The following SMUG1 variants were observed in gnomAD, a reference collection of about 807,000 sequenced individuals.
SMUG1 encodes the protein single-strand selective monofunctional uracil DNA glycosylase.
SMUG1 carries 13 observed loss-of-function variants against 23.9 expected under a neutral mutation model. The observed-to-expected ratio is 0.54, with a 90% CI of 0.35 to 0.86. SMUG1 has a LOEUF of 0.86. Among genes scored for constraint, SMUG1 ranks in the 40% least tolerant of loss-of-function variants. SMUG1 has a pLI of 0.01. For synonymous variants in SMUG1, 133 were observed against 139.8 expected, an observed-to-expected ratio of 0.95 and a Z score of 0.34; for missense variants, 313 against 339.5, an observed-to-expected ratio of 0.92 and a Z score of 0.61.
In SMUG1 at chr12:54,181,594, G is replaced by A. The variant is rs779627898; in HGVS notation, c.*502C>T. ...GGATTTTTCCTCTGATCCAGCTGCA[G>A]CCTCCCATAAGAAGTTCACTCTTAA... On this transcript the variant is annotated 3_prime_UTR_variant, in exon 4 of 4. Transcript: ENST00000682136. 53 of 1,575,408 alleles carry A rather than the reference G, an allele frequency of 3.4e-5. No homozygotes were observed. In the African/African-American group the frequency reaches 6.4e-4, roughly 19 times the overall value.
downstream of SMUG1, chr12:54,164,665 A>G (rs914397534): frequency 1.3e-5 from 2 of 152,230 alleles, no homozygotes; most frequent in African/African-American, 4.8e-5. Flanking sequence ...GACTCTGTTC[A>G]CCAGGGGGTG....
Position 54,185,473 on chromosome 12 carries a change from AAAATAAAAT to A in SMUG1, c.-19-1523_-19-1515del, listed in dbSNP as rs1486273032. On this transcript the variant is annotated intron_variant, in intron 2 of 3. Coordinates refer to ENST00000682136, the MANE Select transcript of SMUG1 (RefSeq NM_001243787.2). ...AAAGAGCAAGACTCCATCTCAAAAA[AAAATAAAAT>A]AAAAAATAAATAAATAAATAAATAA... Among the ~76,000 whole-genome samples, 48 of 90,090 alleles carry A rather than the reference AAAATAAAAT, an allele frequency of 5.3e-4. 6 individuals are homozygous for A. Among genetic ancestry groups the A allele is most frequent in the African/African-American group, 1.6e-3 (44 of 26,814 alleles). The allele number at this position is 90,090 out of a possible 152,430, so 59.1% of individuals were successfully genotyped here.
chr12:54,166,457 T>C (rs1276186844), intron 3 of SMUG1, among the ~76,000 whole-genome samples: 2 of 152,072 alleles, frequency 1.3e-5, no homozygotes, highest in Non-Finnish European at 2.9e-5. Flanking sequence ...CTCCCAGAAC[T>C]GAGAAACTGA....
chr12:54,171,560 C>T (rs551772903), intron 3 of SMUG1, among the ~76,000 whole-genome samples: 21 of 151,758 alleles, frequency 1.4e-4, no homozygotes, highest in Non-Finnish European at 2.9e-4. Flanking sequence ...CGTGGCAGCG[C>T]GTGCCTGTAA....
Position 54,181,788 on chromosome 12 carries a change from G to C in SMUG1, c.*308C>G. The C allele has an allele frequency of 7.0e-7, 1 of 1,438,558 alleles. No individual in the cohort carries two copies. The allele number at this position is 1,438,558 out of a possible 1,614,324, so 89.1% of individuals were successfully genotyped here. ...TCTCAGCTGAATAAAGTCTCCCAAGGAAACACTGAGGTAGAGCAGTCTGCA... is the reference window on the plus strand; with the variant it reads ...TCTCAGCTGAATAAAGTCTCCCAAGCAAACACTGAGGTAGAGCAGTCTGCA... On this transcript the variant is annotated 3_prime_UTR_variant, in exon 4 of 4. Coordinates refer to ENST00000682136, the MANE Select transcript of SMUG1 (RefSeq NM_001243787.2).
downstream of SMUG1, chr12:54,164,659 C>G (rs1940386738): frequency 6.6e-6 from 1 of 152,386 alleles, no homozygotes; most frequent in Non-Finnish European, 1.5e-5. Context: ...GGCTTGGACT[C>G]TGTTCACCAG....
chr12:54,179,122 A>C (rs1011022796), downstream of SMUG1, among the ~76,000 whole-genome samples: 3 of 152,164 alleles, frequency 2.0e-5, no homozygotes, highest in Non-Finnish European at 2.9e-5. Flanking sequence ...CCACAGACAG[A>C]AGGCTGCCCT....
chr12:54,186,699 G>A (rs1942560176), intron 2 of SMUG1: 1 of 152,172 alleles, frequency 6.6e-6, no homozygotes, highest in South Asian at 2.1e-4. Flanking sequence ...TGAAGGCTGA[G>A]AACCACTGTG....
In SMUG1 at chr12:54,170,247, T is replaced by A. The variant is rs973228716; in HGVS notation, c.*52+1778A>T. On this transcript the variant is annotated intron_variant and NMD_transcript_variant, in intron 3 of 4. Coordinates refer to the SMUG1 transcript ENST00000509864. ...AAGAGAAGCTCACTGTTTCTCAGTT[T>A]CCCTAGCGGCAAAGCAGTAAAGGTG... Among the ~76,000 whole-genome samples, 15 of 151,908 alleles carry A rather than the reference T, an allele frequency of 9.9e-5. 1 individual carries two copies. The highest frequency in any genetic ancestry group is 5.9e-5 in the Non-Finnish European group (4 of 67,978).
downstream of SMUG1, among the ~76,000 whole-genome samples, chr12:54,164,191 G>T (rs539838924): frequency 6.6e-6 from 1 of 151,982 alleles, no homozygotes; most frequent in Non-Finnish European, 1.5e-5. Context: ...AGGGAGAACT[G>T]GGGAGAGAGA....
At chr12:54,179,326 T>C (rs1365893655), downstream of SMUG1, among the ~76,000 whole-genome samples, 1 of 152,176 alleles carries the variant, frequency 6.6e-6, no homozygotes, top group Non-Finnish European at 1.5e-5. Flanking sequence ...TTGCCACCCC[T>C]TGAACATAAC....
At position 54,180,615 on chromosome 12, in the gene SMUG1, T is replaced by C. The variant is rs1940926544; in HGVS notation, c.*1481A>G. On this transcript the variant is annotated 3_prime_UTR_variant, in exon 4 of 4. Transcript: ENST00000682136. ...AAATGAGTTGGATACCAGGTTCCCA[T>C]CTGCCCCATCACCTGTTTCTCACGG... 1 of 152,152 alleles carries C rather than the reference T, an allele frequency of 6.6e-6. No homozygotes were observed. Among genetic ancestry groups the C allele is most frequent in the African/African-American group, 2.4e-5 (1 of 41,430 alleles). The allele number at this position is 152,152 out of a possible 1,614,324, so 9.4% of individuals were successfully genotyped here.
At chr12:54,185,948 G>A (rs980908812) in intron 2 of SMUG1, among the ~76,000 whole-genome samples, 2 of 152,126 alleles carry the variant, frequency 1.3e-5, no homozygotes, top group African/African-American at 4.8e-5. Context: ...GCAGGAACAT[G>A]ACAGCAAGCT....
chr12:54,159,731 A>G (rs1396676965), intron 4 of SMUG1, among the ~76,000 whole-genome samples: 4 of 152,156 alleles, frequency 2.6e-5, no homozygotes, highest in African/African-American at 9.7e-5. Flanking sequence ...CCCTGTGTGG[A>G]TGGAGGAAGT....
intron 2 of SMUG1, among the ~76,000 whole-genome samples, chr12:54,187,464 C>A (rs1458760604): frequency 6.6e-6 from 1 of 152,166 alleles, no homozygotes; most frequent in Non-Finnish European, 1.5e-5. Flanking sequence ...TTTCAGGGGA[C>A]CTTGCTTTGC....
intron 3 of SMUG1, among the ~76,000 whole-genome samples, chr12:54,171,820 C>T (rs1940627154): frequency 6.6e-6 from 1 of 152,132 alleles, no homozygotes; most frequent in South Asian, 2.1e-4. Context: ...CCAGCTCCTC[C>T]TGTGGTATTT....
chr12:54,187,300 G>A (rs1392447061), intron 2 of SMUG1: 1 of 152,222 alleles, frequency 6.6e-6, no homozygotes, highest in African/African-American at 2.4e-5. Context: ...CCTAGCCTAG[G>A]GGAAGTGGGA....
downstream of SMUG1, among the ~76,000 whole-genome samples, chr12:54,161,375 A>C (rs11834879): frequency 0.27 from 41,316 of 152,088 alleles, 7,358 homozygotes; most frequent in African/African-American, 0.49. This position sits in a 1 kb window ranked among gnomAD's most constrained non-coding sequence, Gnocchi z 4.2. Flanking sequence ...GCCCCAGACC[A>C]AGGGCCAACA....
In SMUG1 at chr12:54,181,606, A is replaced by T. The variant is rs1408187086; in HGVS notation, c.*490T>A. The T allele has an allele frequency of 6.3e-7, 1 of 1,581,606 alleles. No homozygotes were observed. Among genetic ancestry groups the T allele is most frequent in the Non-Finnish European group, 8.5e-7 (1 of 1,171,328 alleles). ...TGATCCAGCTGCAGCCTCCCATAAGAAGTTCACTCTTAATTTCATGTCCCA... is the reference window on the plus strand; with the variant it reads ...TGATCCAGCTGCAGCCTCCCATAAGTAGTTCACTCTTAATTTCATGTCCCA... On this transcript the variant is annotated 3_prime_UTR_variant, in exon 4 of 4. Transcript: ENST00000682136.
Sources: allele counts gnomAD v4.1 joint callset (sites outside exome capture counted in the v4.1 genomes callset), GRCh38; gene constraint gnomAD v4.1.1; non-coding constraint Gnocchi (gnomAD v3.1); transcripts MANE v1.5; gene names NCBI Gene and HGNC (gene_info 2026-07-23, HGNC 2026-07-21).